The following PC variants were observed in gnomAD, a reference collection of about 807,000 sequenced individuals.
PC encodes the protein pyruvate carboxylase, mitochondrial.
Under a neutral mutation model 107.8 loss-of-function variants are expected in PC, and 46 were observed. The observed-to-expected ratio is 0.43, with a 90% CI of 0.34 to 0.55. The LOEUF (loss-of-function observed/expected upper bound fraction) is 0.55. Among genes scored for constraint, PC ranks in the 20% least tolerant of loss-of-function variants. PC has a pLI of 0.04. For synonymous variants in PC, 662 were observed against 684.7 expected (o/e 0.97, Z 0.52); for missense variants, 1,241 against 1,643.1 (o/e 0.76, Z 4.23).
chr11:66,915,284 G>C (rs1239895683), intron 3 of PC, among the ~76,000 whole-genome samples: 1 of 152,198 alleles, frequency 6.6e-6, no homozygotes, highest in Non-Finnish European at 1.5e-5. Flanking sequence ...TGCCTGCTGC[G>C]AGAGGCAGAT....
At position 66,859,096 on chromosome 11, in the gene PC, G is replaced by A. The variant is rs1428845406; in HGVS notation, c.1368+4678C>T. The A allele has an allele frequency of 4.0e-6, 6 of 1,485,964 alleles. No individual in the cohort carries two copies. In the South Asian group the frequency reaches 4.2e-5, roughly 11 times the overall value. 92.0% of individuals were successfully genotyped at this position (1,485,964 alleles called of 1,614,324 possible). ...GAAGATGAGACCCTCATCTACCGGT[G>A]AGGATGCGTGCCCCACACCCGGCTG... On this transcript the variant is annotated intron_variant, in intron 12 of 22. Transcript: ENST00000393960.
At chr11:66,909,587 G>A (rs1206307352) in intron 3 of PC, among the ~76,000 whole-genome samples, 1 of 152,210 alleles carries the variant, frequency 6.6e-6, no homozygotes, top group Non-Finnish European at 1.5e-5. Flanking sequence ...CAGCCTGCCT[G>A]AGTCTCCATC....
rs1179773551 is a variant in PC at position 66,866,217 on chromosome 11, G to A, written c.1155C>T (p.Arg385=). 1 of 1,611,190 alleles carries A rather than the reference G, an allele frequency of 6.2e-7. No homozygotes were observed. The highest frequency in any genetic ancestry group is 8.5e-7 in the Non-Finnish European group (1 of 1,179,638). ...QCRVTTEDPA[R]SFQPDTGRIE... ...TGCGGCCGGTGTCCGGCTGGAAGCTGCGCGCGGGGTCCTCGGTGGTGACCC... is the reference window on the plus strand; with the variant it reads ...TGCGGCCGGTGTCCGGCTGGAAGCTACGCGCGGGGTCCTCGGTGGTGACCC... Residue 385 remains arginine, a synonymous_variant, in exon 11 of 23, where the codon CGC becomes CGT. Coordinates refer to ENST00000393960, the MANE Select transcript of PC (RefSeq NM_001040716.2). The surrounding 1 kb of genome is among the most constrained non-coding windows in gnomAD (Gnocchi z 5.4).
intron 3 of PC, among the ~76,000 whole-genome samples, chr11:66,916,181 G>A (rs1026133819): frequency 2.0e-5 from 3 of 152,190 alleles, no homozygotes; most frequent in Admixed American, 6.5e-5. Context: ...TTCCCTTAGC[G>A]TAGGTCAGGC....
chr11:66,916,815 G>A (rs1289742719), intron 3 of PC, among the ~76,000 whole-genome samples: 2 of 151,896 alleles, frequency 1.3e-5, no homozygotes, highest in African/African-American at 4.8e-5. Context: ...TTATCCGGGC[G>A]TGGTGGCAGG....
rs1946525427 is a variant in PC, at chr11:66,866,940, T to G, written c.1023-591A>C. On this transcript the variant is annotated intron_variant, in intron 10 of 22. Coordinates refer to ENST00000393960, the MANE Select transcript of PC (RefSeq NM_001040716.2). The surrounding 1 kb of genome is among the most constrained non-coding windows in gnomAD (Gnocchi z 5.4). Reference sequence around the variant, plus strand: ...CAGGACCTGTCCTTCTGAGGCCTGTTTTCCTGCTGGACTTGTGCCCAAAAC... The same window carrying G: ...CAGGACCTGTCCTTCTGAGGCCTGTGTTCCTGCTGGACTTGTGCCCAAAAC... 6.6e-6 allele frequency among the ~76,000 whole-genome samples: 1 copy of G among 152,166 alleles called. No homozygotes were observed. Among genetic ancestry groups the G allele is most frequent in the South Asian group, 2.1e-4 (1 of 4,836 alleles).
At chr11:66,951,367 G>A (rs1949431774) in intron 3 of PC, among the ~76,000 whole-genome samples, 1 of 152,126 alleles carries the variant, frequency 6.6e-6, no homozygotes, top group Non-Finnish European at 1.5e-5. Context: ...GGACTAGCAG[G>A]GGACCGGCGG....
intron 3 of PC, among the ~76,000 whole-genome samples, chr11:66,898,446 G>A (rs888380448): frequency 7.2e-5 from 11 of 152,198 alleles, no homozygotes; most frequent in Admixed American, 1.3e-4. Context: ...TTGGAAGGCT[G>A]AGGTGGGCAG....
At chr11:66,910,929 T>C (rs1591271239) in intron 3 of PC, among the ~76,000 whole-genome samples, 3 of 152,320 alleles carry the variant, frequency 2.0e-5, no homozygotes, top group Admixed American at 2.0e-4. Context: ...TAATTGCAAC[T>C]CCAACACTTA....
At chr11:66,896,687 C>T (rs1947772123) in intron 3 of PC, among the ~76,000 whole-genome samples, 1 of 152,360 alleles carries the variant, frequency 6.6e-6, no homozygotes, top group Non-Finnish European at 1.5e-5. Flanking sequence ...GACCGCAAGA[C>T]ACGAAAGCAG....
chr11:66,858,210 A>C lies in PC; in HGVS notation c.1369-4827T>G. Reference sequence around the variant, plus strand: ...GGAGGACCTGGACCTGTCCTACAACAACCTCCGGCAGGTGCCCTGGGCCGG... The same window carrying C: ...GGAGGACCTGGACCTGTCCTACAACCACCTCCGGCAGGTGCCCTGGGCCGG... On this transcript the variant is annotated intron_variant, in intron 12 of 22. Transcript: ENST00000393960. The surrounding 1 kb of genome is among the most constrained non-coding windows in gnomAD (Gnocchi z 5.9). The C allele has an allele frequency of 5.6e-6, 9 of 1,612,434 alleles. No individual in the cohort carries two copies. The highest frequency in any genetic ancestry group is 7.6e-6 in the Non-Finnish European group (9 of 1,179,860).
intron 3 of PC, among the ~76,000 whole-genome samples, chr11:66,903,028 CTTT>C (rs1948017298): frequency 2.0e-5 from 3 of 152,228 alleles, no homozygotes; most frequent in African/African-American, 7.2e-5. Context: ...CCAGGCCTTA[CTTT>C]TCTGCTCCAC....
intron 1 of PC, among the ~76,000 whole-genome samples, chr11:66,955,936 C>T (rs1949550847): frequency 6.6e-6 from 1 of 152,102 alleles, no homozygotes. Context: ...CCAGGCCTGG[C>T]TAGTTTTTGT....
intron 3 of PC, among the ~76,000 whole-genome samples, chr11:66,899,270 G>A (rs777043474): frequency 6.6e-6 from 1 of 152,194 alleles, no homozygotes; most frequent in Non-Finnish European, 1.5e-5. Context: ...CCGTGTTGTG[G>A]TGTGTGCCAG....
At chr11:66,932,931 C>T (rs1316278997) in intron 3 of PC, among the ~76,000 whole-genome samples, 1 of 152,126 alleles carries the variant, frequency 6.6e-6, no homozygotes, top group Admixed American at 6.6e-5. Flanking sequence ...AAAACAGAAA[C>T]AAGTGTTCTT....
chr11:66,946,188 G>A (rs1591314632), intron 3 of PC, among the ~76,000 whole-genome samples: 1 of 151,284 alleles, frequency 6.6e-6, no homozygotes, highest in African/African-American at 2.4e-5. Context: ...AATCAGTCTT[G>A]AGATTCCAAT....
At chr11:66,951,922 G>T (rs184707592) in intron 3 of PC, among the ~76,000 whole-genome samples, 2 of 152,188 alleles carry the variant, frequency 1.3e-5, no homozygotes, top group East Asian at 1.9e-4. Context: ...ACTTAGCCAG[G>T]TGTGGTGGCA....
intron 3 of PC, among the ~76,000 whole-genome samples, chr11:66,883,980 C>T (rs1424094192): frequency 1.3e-5 from 2 of 152,106 alleles, no homozygotes; most frequent in Non-Finnish European, 2.9e-5. Flanking sequence ...GCACGTGGCT[C>T]ACACTTGTAA....
chr11:66,861,201 G>C (rs1337286571), intron 12 of PC, among the ~76,000 whole-genome samples: 2 of 152,194 alleles, frequency 1.3e-5, no homozygotes, highest in Non-Finnish European at 2.9e-5. Context: ...AGGACCCCTG[G>C]CCAGGCCCGG....
Sources: gnomAD v4.1 joint callset for allele counts (sites outside exome capture counted in the v4.1 genomes callset) on GRCh38, gnomAD v4.1.1 for gene constraint, Gnocchi (gnomAD v3.1) non-coding constraint, MANE v1.5 for transcripts, NCBI Gene and HGNC (gene_info 2026-07-23, HGNC 2026-07-21) for gene names.